Variants in SLC37A3 observed in about 807,000 individuals in gnomAD.
SLC37A3 encodes sugar phosphate exchanger 3.
Under a neutral mutation model 67.1 loss-of-function variants are expected in SLC37A3, and 51 were observed. The ratio of observed to expected loss-of-function variants is 0.76; its 90% CI spans 0.61 to 0.96. The LOEUF (loss-of-function observed/expected upper bound fraction) is 0.96, where lower values mean the gene tolerates loss of function less well. Ranked by LOEUF, SLC37A3 falls within the 40% of genes least tolerant of loss-of-function variation. The pLI, the probability that SLC37A3 is intolerant of heterozygous loss-of-function variation, is 0.00. For missense variants in SLC37A3, 508 were observed against 603.0 expected (o/e 0.84, Z 1.65); for synonymous variants, 214 against 231.4 (o/e 0.92, Z 0.68).
At chr7:140,336,927 C>G (rs529128897) in intron 14 of SLC37A3, among the ~76,000 whole-genome samples, 1 of 149,682 alleles carries the variant, frequency 6.7e-6, no homozygotes, top group East Asian at 1.9e-4. Context: ...GGTGAAACCC[C>G]ATCTCTACTA....
At chr7:140,364,591 AAAATT>A (rs768188600) in intron 4 of SLC37A3, 100 bp from the exon 5 acceptor site, 140 of 1,126,882 alleles carry the variant, frequency 1.2e-4, no homozygotes, top group Admixed American at 2.3e-4. Context: ...GATATTATTT[AAAATT>A]AACTCTTATA....
At position 140,358,689 on chromosome 7, in the gene SLC37A3, C is replaced by T. The variant is rs750964638; in HGVS notation, c.472G>A (p.Gly158Ser). Residue 158 changes from glycine (G) to serine (S), a missense_variant, in exon 6 of 15, where the codon GGT becomes AGT. Physicochemically the swap from Gly to Ser is moderately conservative, Grantham distance 56. Coordinates refer to ENST00000326232, the MANE Select transcript of SLC37A3 (RefSeq NM_207113.3). ...WIVNGLLQSTGWPCVVAVMGN... is the reference protein window; with the variant it reads ...WIVNGLLQSTSWPCVVAVMGN... ...ATAACAGCAACCACACAGGGCCAAC[C>T]AGTGGACTGCAGCAGGCCGTTCACA... 1.2e-6 allele frequency: 2 copies of T among 1,614,170 alleles called. No homozygotes were observed. Among genetic ancestry groups the T allele is most frequent in the South Asian group, 1.1e-5 (1 of 91,076 alleles).
chr7:140,351,299 C>G lies in SLC37A3; in HGVS notation c.856G>C (p.Ala286Pro), dbSNP rs371826613. The change falls in exon 9 of 15, where the codon GCA becomes CCA. Residue 286 changes from alanine (A) to proline (P), a missense_variant. Coordinates refer to ENST00000326232, the MANE Select transcript of SLC37A3 (RefSeq NM_207113.3). ...GGTATGACTCCAGGAAGGCAACATG[C>G]CTGGTAGAAGCTTATCGCCTTGACT... ...AQVKAISFYQ[A>P]CCLPGVIPYS... 5.4e-5 allele frequency: 87 copies of G among 1,613,910 alleles called. 1 individual carries two copies. Among genetic ancestry groups the G allele is most frequent in the East Asian group, 4.9e-4 (22 of 44,880 alleles).
intron 13 of SLC37A3, among the ~76,000 whole-genome samples, chr7:140,341,105 T>C (rs1796345227): frequency 6.6e-6 from 1 of 152,106 alleles, no homozygotes; most frequent in East Asian, 1.9e-4. Context: ...GCTAACTTTT[T>C]ATTTTTTGTA....
Position 140,358,633 on chromosome 7 carries a change from G to A in SLC37A3, c.521+7C>T, listed in dbSNP as rs1055705086. 1 of 1,613,504 alleles carries A rather than the reference G, an allele frequency of 6.2e-7. No homozygotes were observed. On this transcript the variant is annotated splice_region_variant and intron_variant, in intron 6 of 14. Transcript: ENST00000326232. ...CAGAGAAATTAGAGAGGAAGGAAGT[G>A]GCATACCCGGCTTTCCCAAACCAGT...
intron 9 of SLC37A3, among the ~76,000 whole-genome samples, chr7:140,350,713 G>A (rs12703772): frequency 0.37 from 55,898 of 151,796 alleles, 11,461 homozygotes; most frequent in Non-Finnish European, 0.46. Context: ...GCAGTGAGCC[G>A]AGACTGCGCC....
intron 1 of SLC37A3, among the ~76,000 whole-genome samples, chr7:140,385,927 C>T (rs973718564): frequency 2.0e-5 from 3 of 152,050 alleles, no homozygotes; most frequent in East Asian, 1.9e-4. Flanking sequence ...GCATTGCAGG[C>T]GCCCGCCATC....
At chr7:140,363,821 C>T (rs1797485311) in intron 5 of SLC37A3, among the ~76,000 whole-genome samples, 1 of 147,644 alleles carries the variant, frequency 6.8e-6, no homozygotes, top group Non-Finnish European at 1.5e-5. Flanking sequence ...TGGAGCAAAG[C>T]GATGAAGCAG....
chr7:140,383,293 G>A (rs1798327356), intron 1 of SLC37A3, among the ~76,000 whole-genome samples: 1 of 151,360 alleles, frequency 6.6e-6, no homozygotes, highest in Non-Finnish European at 1.5e-5. Context: ...AAGTGTTGGA[G>A]GAGATTTTTA....
intron 1 of SLC37A3, among the ~76,000 whole-genome samples, chr7:140,397,552 A>G (rs1798988566): frequency 6.6e-6 from 1 of 152,166 alleles, no homozygotes; most frequent in Admixed American, 6.6e-5. Context: ...AGTTCTTAGT[A>G]TAGAGCCTAG....
At chr7:140,345,077 A>T in intron 12 of SLC37A3, 139 bp downstream of exon 12, 2 of 677,834 alleles carry the variant, frequency 3.0e-6, no homozygotes. Flanking sequence ...CTGGAAAAGG[A>T]GGCGTTTTTC....
At chr7:140,379,923 C>G (rs1249285418) in intron 3 of SLC37A3, 2 of 152,898 alleles carry the variant, frequency 1.3e-5, no homozygotes, top group African/African-American at 4.9e-5. Flanking sequence ...GATATTTTAT[C>G]TTGACACAAA....
intron 10 of SLC37A3, among the ~76,000 whole-genome samples, chr7:140,347,000 C>T (rs1382954952): frequency 2.0e-5 from 3 of 152,062 alleles, no homozygotes; most frequent in South Asian, 2.1e-4. Flanking sequence ...GTGGCTCACG[C>T]CTGTAATCCC....
At position 140,368,404 on chromosome 7, in the gene SLC37A3, A is replaced by G. The variant is rs371011688; in HGVS notation, c.291+1186T>C. 9.2e-5 allele frequency among the ~76,000 whole-genome samples: 14 copies of G among 151,810 alleles called. No individual in the cohort carries two copies. In the East Asian group the frequency reaches 2.7e-3, roughly 30 times the overall value. On this transcript the variant is annotated intron_variant, in intron 4 of 14. Transcript: ENST00000326232. ...AACATGGAGAAACTCGGTCTCTACT[A>G]AAAAAACACAAAATTAGCCGGGCGT...
chr7:140,343,624 T>C (rs2117035984), intron 12 of SLC37A3, 61 bp from the exon 13 acceptor site: 1 of 1,523,596 alleles, frequency 6.6e-7, no homozygotes, highest in Non-Finnish European at 9.0e-7. Context: ...ATCTACTGCA[T>C]AAGGCAAAAT....
intron 5 of SLC37A3, among the ~76,000 whole-genome samples, chr7:140,362,331 A>C (rs1797351104): frequency 7.2e-6 from 1 of 139,378 alleles, no homozygotes; most frequent in Non-Finnish European, 1.6e-5. Context: ...CCCGTCTGAG[A>C]AGTGAGGAGC....
At chr7:140,381,678 G>A (rs1048725893) in intron 2 of SLC37A3, among the ~76,000 whole-genome samples, 2 of 152,070 alleles carry the variant, frequency 1.3e-5, no homozygotes, top group Non-Finnish European at 2.9e-5. Flanking sequence ...ATGTTACTAA[G>A]AGAACCACTT....
In SLC37A3 at chr7:140,333,788, T is replaced by C. The variant is rs1796031939; in HGVS notation, c.*1624A>G. 1 of 152,802 alleles carries C rather than the reference T, an allele frequency of 6.5e-6. No individual in the cohort carries two copies. The highest frequency in any genetic ancestry group is 1.5e-5 in the Non-Finnish European group (1 of 68,040). 9.5% of individuals were successfully genotyped at this position (152,802 alleles called of 1,614,324 possible). On this transcript the variant is annotated 3_prime_UTR_variant, in exon 15 of 15. Transcript: ENST00000326232. Reference sequence around the variant, plus strand: ...AGTCAGTTTATTTTCCCTTTCTGTGTTTCGTATTTTCCCTTTTTGTCAGTA... The same window carrying C: ...AGTCAGTTTATTTTCCCTTTCTGTGCTTCGTATTTTCCCTTTTTGTCAGTA...
At chr7:140,386,177 C>A (rs897508540) in intron 1 of SLC37A3, among the ~76,000 whole-genome samples, 4 of 152,080 alleles carry the variant, frequency 2.6e-5, no homozygotes, top group Non-Finnish European at 5.9e-5. Flanking sequence ...GCAGCCTTGA[C>A]CTCTCAGGCT....
Sources: gnomAD v4.1 joint callset for allele counts (sites outside exome capture counted in the v4.1 genomes callset) on GRCh38, gnomAD v4.1.1 for gene constraint, MANE v1.5 for transcripts, NCBI Gene and HGNC (gene_info 2026-07-23, HGNC 2026-07-21) for gene names.